Variants in SMIM7 observed in about 807,000 individuals in gnomAD.
SMIM7 encodes UPF0608 protein C19orf42.
Under a neutral mutation model 13.3 loss-of-function variants are expected in SMIM7, and 12 were observed. That is an observed-to-expected ratio of 0.90 (90% CI 0.58 to 1.46). SMIM7 has a LOEUF of 1.46. Among genes scored for constraint, SMIM7 ranks in the 40% most tolerant of loss-of-function variants. The pLI, the probability that SMIM7 is intolerant of heterozygous loss-of-function variation, is 0.00. For synonymous variants in SMIM7, 36 were observed against 35.8 expected (o/e 1.01, Z -0.02); for missense variants, 114 against 94.8 (o/e 1.20, Z -0.84).
chr19:16,633,506 C>T (rs2086337021), intron 4 of SMIM7, among the ~76,000 whole-genome samples: 1 of 144,842 alleles, frequency 6.9e-6, no homozygotes, highest in Non-Finnish European at 1.5e-5. Flanking sequence ...CCAAGTTGTA[C>T]ACTGCTGTAA....
At chr19:16,656,084 A>G (rs1246056425) in intron 3 of SMIM7, among the ~76,000 whole-genome samples, 2 of 152,132 alleles carry the variant, frequency 1.3e-5, no homozygotes, top group African/African-American at 4.8e-5. Flanking sequence ...ACAGATGCCA[A>G]TCAAACGTTA....
downstream of SMIM7, among the ~76,000 whole-genome samples, chr19:16,642,077 G>C (rs1387083819): frequency 1.3e-5 from 2 of 152,176 alleles, no homozygotes; most frequent in Non-Finnish European, 1.5e-5. Flanking sequence ...CACTCCCAGG[G>C]TAGGTGCTGT....
chr19:16,649,624 A>G (rs2086493468), intron 4 of SMIM7, among the ~76,000 whole-genome samples: 1 of 152,090 alleles, frequency 6.6e-6, no homozygotes, highest in Non-Finnish European at 1.5e-5. Context: ...CAGCAATTTC[A>G]CTCCTATATA....
At chr19:16,649,497 C>T (rs769048708) in intron 4 of SMIM7, among the ~76,000 whole-genome samples, 4 of 152,046 alleles carry the variant, frequency 2.6e-5, no homozygotes, top group South Asian at 2.1e-4. Flanking sequence ...CACTTGAACC[C>T]GGGAGGTGGA....
intron 4 of SMIM7, among the ~76,000 whole-genome samples, chr19:16,649,874 G>A (rs2086497663): frequency 6.6e-6 from 1 of 152,150 alleles, no homozygotes; most frequent in African/African-American, 2.4e-5. Context: ...AGACACAAAA[G>A]GCCATGCAGT....
At chr19:16,647,334 T>G in intron 4 of SMIM7, 73 bp from the exon 5 acceptor site, 1 of 1,559,640 alleles carries the variant, frequency 6.4e-7, no homozygotes, top group Non-Finnish European at 8.8e-7. Flanking sequence ...TCAGCGATTA[T>G]TTTACATGAC....
chr19:16,641,749 G>A (rs1303823749), downstream of SMIM7, among the ~76,000 whole-genome samples: 1 of 152,160 alleles, frequency 6.6e-6, no homozygotes, highest in Non-Finnish European at 1.5e-5. Context: ...TAAGCGTGCA[G>A]CACGACACCC....
At chr19:16,649,136 T>C (rs1167712894) in intron 4 of SMIM7, among the ~76,000 whole-genome samples, 3 of 152,104 alleles carry the variant, frequency 2.0e-5, no homozygotes, top group African/African-American at 7.2e-5. Flanking sequence ...CAGGTAGGAA[T>C]GTAAAATGTC....
intron 3 of SMIM7, among the ~76,000 whole-genome samples, chr19:16,656,991 T>C (rs903719461): frequency 6.6e-6 from 1 of 152,068 alleles, no homozygotes; most frequent in African/African-American, 2.4e-5. Context: ...GTTTAACAAA[T>C]GTGAGCTCAA....
chr19:16,653,866 G>A (rs1378989397), intron 4 of SMIM7, 169 bp downstream of exon 4: 1 of 629,506 alleles, frequency 1.6e-6, no homozygotes, highest in South Asian at 2.1e-5. Context: ...CTGCACTCCA[G>A]TTTAGGCGAC....
intron 4 of SMIM7, among the ~76,000 whole-genome samples, chr19:16,651,306 G>A (rs1450296075): frequency 6.6e-6 from 1 of 152,186 alleles, no homozygotes; most frequent in Non-Finnish European, 1.5e-5. Context: ...CCACCGCTGT[G>A]ACACAGAAGC....
At chr19:16,639,229 T>C (rs2086385592) in intron 4 of SMIM7, among the ~76,000 whole-genome samples, 1 of 151,592 alleles carries the variant, frequency 6.6e-6, no homozygotes, top group Non-Finnish European at 1.5e-5. Flanking sequence ...TTCACGCCAT[T>C]CTCCTGCCTC....
intron 4 of SMIM7, among the ~76,000 whole-genome samples, chr19:16,638,301 C>CT (rs375558591): frequency 0.14 from 16,568 of 122,654 alleles, 1,224 homozygotes; most frequent in African/African-American, 0.16. Context: ...TTTCTTTTTT[C>CT]TTTTTTTTTT....
intron 2 of SMIM7, 132 bp downstream of exon 2, chr19:16,659,827 G>A (rs1274032870): frequency 5.8e-6 from 7 of 1,211,636 alleles, no homozygotes; most frequent in South Asian, 1.3e-5. Context: ...GGCTGGAGGC[G>A]TGCCCAGAGG....
chr19:16,637,401 A>T (rs1287499589), intron 4 of SMIM7, among the ~76,000 whole-genome samples: 1 of 152,168 alleles, frequency 6.6e-6, no homozygotes, highest in African/African-American at 2.4e-5. Flanking sequence ...TAGTCCCAGG[A>T]GGCTGAGGTG....
At chr19:16,652,502 GTTCCTACAATTTCA>G (rs2086539957) in intron 4 of SMIM7, 1 of 1,019,700 alleles carries the variant, frequency 9.8e-7, no homozygotes, top group Non-Finnish European at 1.2e-6. Flanking sequence ...GCCCCTGGCC[GTTCCTACAATTTCA>G]TGTAAGTTCC....
chr19:16,646,942 G>C lies in SMIM7; in HGVS notation c.*304C>G, dbSNP rs2086456238. The C allele has an allele frequency of 4.2e-6, 2 of 476,532 alleles. No homozygotes were observed. Among genetic ancestry groups the C allele is most frequent in the South Asian group, 5.2e-5 (2 of 38,594 alleles). 29.5% of individuals were successfully genotyped at this position (476,532 alleles called of 1,614,324 possible). A position where few individuals can be genotyped will look rare whatever the true frequency, so the allele number is the denominator to read the frequency against. On this transcript the variant is annotated 3_prime_UTR_variant, in exon 5 of 5. Transcript: ENST00000487416. ...ATCCTTCTGCTCAGATCTCTGGATAGAAATGATTTTTCTTTTATCTATGGG... is the reference window on the plus strand; with the variant it reads ...ATCCTTCTGCTCAGATCTCTGGATACAAATGATTTTTCTTTTATCTATGGG...
At chr19:16,635,899 A>AAAAAAAAAAAAAAAAAAAAT (rs1200181092) in intron 4 of SMIM7, among the ~76,000 whole-genome samples, 2 of 109,582 alleles carry the variant, frequency 1.8e-5, no homozygotes, top group African/African-American at 4.3e-5. Flanking sequence ...AAAAAAAAAA[A>AAAAAAAAAAAAAAAAAAAAT]ATATATATAT....
chr19:16,648,993 C>T (rs73006555), intron 4 of SMIM7, among the ~76,000 whole-genome samples: 3,414 of 152,220 alleles, frequency 0.022, 46 homozygotes, highest in Middle Eastern at 0.041. Flanking sequence ...CCAGCTCCAG[C>T]CTGCGCAACA....
Sources: allele counts gnomAD v4.1 joint callset (sites outside exome capture counted in the v4.1 genomes callset), GRCh38; gene constraint gnomAD v4.1.1; transcripts MANE v1.5; gene names NCBI Gene and HGNC (gene_info 2026-07-23, HGNC 2026-07-21).